The following DCC variants were observed in gnomAD, a reference collection of about 807,000 sequenced individuals.
DCC encodes the protein DCC netrin 1 receptor.
DCC carries 58 observed loss-of-function variants against 172.5 expected under a neutral mutation model. The ratio of observed to expected loss-of-function variants is 0.34; its 90% CI spans 0.27 to 0.42. DCC has a LOEUF of 0.42. Among genes scored for constraint, DCC ranks in the 10% least tolerant of loss-of-function variants. The pLI is 1.00. For synonymous variants in DCC, 709 were observed against 644.5 expected (o/e 1.10, Z -1.52); for missense variants, 1,740 against 1,791.0 (o/e 0.97, Z 0.51).
chr18:53,000,979 G>T (rs1197329728), intron 5 of DCC, among the ~76,000 whole-genome samples: 2 of 151,960 alleles, frequency 1.3e-5, no homozygotes, highest in African/African-American at 4.8e-5. Context: ...ATAGGCGTGA[G>T]GATGTGTTAC....
At chr18:53,474,158 G>A (rs182504277) in intron 25 of DCC, among the ~76,000 whole-genome samples, 52 of 152,022 alleles carry the variant, frequency 3.4e-4, no homozygotes, top group Non-Finnish European at 1.9e-4. Context: ...TGTACCCAAT[G>A]GAAATATATA....
intron 2 of DCC, among the ~76,000 whole-genome samples, chr18:52,818,694 G>A (rs891753972): frequency 1.3e-5 from 2 of 152,130 alleles, no homozygotes; most frequent in Admixed American, 6.5e-5. Context: ...AGATTCTATT[G>A]GACTATCTGT....
chr18:53,323,655 G>GTGGTTGGT (rs796217612), intron 14 of DCC, among the ~76,000 whole-genome samples: 1 of 151,904 alleles, frequency 6.6e-6, no homozygotes, highest in Admixed American at 6.6e-5. Context: ...TGGATGGATG[G>GTGGTTGGT]TGGTTGGTTG....
intron 5 of DCC, among the ~76,000 whole-genome samples, chr18:52,993,000 A>AC (rs980208493): frequency 2.0e-5 from 3 of 151,898 alleles, no homozygotes; most frequent in African/African-American, 7.3e-5. Context: ...AAAAAAAAAA[A>AC]ACACATGTGA....
chr18:52,638,566 G>T (rs2034827170), intron 1 of DCC, among the ~76,000 whole-genome samples: 1 of 152,132 alleles, frequency 6.6e-6, no homozygotes, highest in South Asian at 2.1e-4. Flanking sequence ...AGCAACAGCA[G>T]TTAAAAGAGA....
intron 1 of DCC, among the ~76,000 whole-genome samples, chr18:52,408,812 T>C (rs997280857): frequency 1.4e-4 from 21 of 152,100 alleles, no homozygotes; most frequent in Non-Finnish European, 1.5e-5. Context: ...TTGTGATAGA[T>C]TTGTAAACTA....
At chr18:52,785,437 T>C (rs1334912198) in intron 2 of DCC, among the ~76,000 whole-genome samples, 4 of 152,064 alleles carry the variant, frequency 2.6e-5, no homozygotes, top group Non-Finnish European at 5.9e-5. Context: ...TCTTAAGTCC[T>C]ATATCATTCC....
intron 7 of DCC, among the ~76,000 whole-genome samples, chr18:53,122,312 C>T (rs1296356223): frequency 6.6e-6 from 1 of 151,910 alleles, no homozygotes; most frequent in Non-Finnish European, 1.5e-5. Flanking sequence ...TTGGTTAACT[C>T]ATTAACCAAT....
chr18:53,528,736 C>T (rs1171314410), intron 28 of DCC, among the ~76,000 whole-genome samples: 1 of 152,012 alleles, frequency 6.6e-6, no homozygotes, highest in Non-Finnish European at 1.5e-5. Context: ...CCCAATATTT[C>T]CAAAATATTA....
At chr18:52,494,525 T>C (rs2030665897) in intron 1 of DCC, among the ~76,000 whole-genome samples, 1 of 152,112 alleles carries the variant, frequency 6.6e-6, no homozygotes, top group Admixed American at 6.6e-5. Context: ...ATTTTTCATT[T>C]TCAATTAATG....
intron 14 of DCC, among the ~76,000 whole-genome samples, chr18:53,336,252 C>T (rs2057589967): frequency 6.6e-6 from 1 of 152,144 alleles, no homozygotes; most frequent in Admixed American, 6.6e-5. Context: ...AAGTAATAGT[C>T]ATATTATATA....
chr18:53,209,853 CT>C (rs2055718743), intron 11 of DCC, among the ~76,000 whole-genome samples: 1 of 152,196 alleles, frequency 6.6e-6, no homozygotes, highest in African/African-American at 2.4e-5. Flanking sequence ...TGATTCTCCA[CT>C]TTGGTTTTAA....
chr18:52,670,711 G>T (rs2035536482), intron 1 of DCC, among the ~76,000 whole-genome samples: 1 of 152,082 alleles, frequency 6.6e-6, no homozygotes, highest in East Asian at 1.9e-4. Flanking sequence ...ATGGTGAAGG[G>T]TGCCTGTAAT....
chr18:52,701,581 T>C (rs1249210917), intron 1 of DCC, among the ~76,000 whole-genome samples: 1 of 152,234 alleles, frequency 6.6e-6, no homozygotes, highest in African/African-American at 2.4e-5. Flanking sequence ...TCCTCATAAA[T>C]ATTTCTGAGG....
chr18:53,456,571 T>G (rs2045485799), intron 23 of DCC, among the ~76,000 whole-genome samples: 2 of 152,216 alleles, frequency 1.3e-5, no homozygotes, highest in African/African-American at 4.8e-5. Flanking sequence ...GCTTCTTAAA[T>G]TTTAGACAGA....
At chr18:52,679,316 GC>G (rs1316638054) in intron 1 of DCC, among the ~76,000 whole-genome samples, 1 of 151,904 alleles carries the variant, frequency 6.6e-6, no homozygotes, top group Admixed American at 6.6e-5. Flanking sequence ...GCACTAGGAG[GC>G]CATTGAAATC....
intron 7 of DCC, among the ~76,000 whole-genome samples, chr18:53,069,665 G>A (rs2042626012): frequency 6.6e-6 from 1 of 151,230 alleles, no homozygotes; most frequent in South Asian, 2.1e-4. Context: ...CATGAGTGTG[G>A]ACTTTTGAAA....
chr18:52,795,226 T>A (rs1440566223), intron 2 of DCC, among the ~76,000 whole-genome samples: 1 of 152,086 alleles, frequency 6.6e-6, no homozygotes, highest in Non-Finnish European at 1.5e-5. Flanking sequence ...ATACATTTGA[T>A]AAAATGCAGA....
At chr18:53,073,838 A>G (rs2042688070) in intron 7 of DCC, among the ~76,000 whole-genome samples, 1 of 151,444 alleles carries the variant, frequency 6.6e-6, no homozygotes, top group Non-Finnish European at 1.5e-5. Context: ...GTTGTTCCTT[A>G]TCAATATAAG....
Sources: gnomAD v4.1 joint callset for allele counts (sites outside exome capture counted in the v4.1 genomes callset) on GRCh38, gnomAD v4.1.1 for gene constraint, MANE v1.5 for transcripts, NCBI Gene and HGNC (gene_info 2026-07-23, HGNC 2026-07-21) for gene names.